NLN: variants seen among roughly 807,000 people sequenced by gnomAD.
The protein encoded by NLN is neurolysin, mitochondrial.
A neutral mutation model predicts 79.9 loss-of-function variants in NLN; 64 were observed. The observed-to-expected ratio is 0.80, with a 90% CI of 0.65 to 0.99. The LOEUF is 0.99. NLN is among the 50% of genes least tolerant of loss of function. NLN has a pLI of 0.00. For synonymous variants in NLN, 267 were observed against 296.6 expected, an observed-to-expected ratio of 0.90 and a Z score of 1.02; for missense variants, 835 against 858.7, an observed-to-expected ratio of 0.97 and a Z score of 0.34.
intron 1 of NLN, among the ~76,000 whole-genome samples, chr5:65,725,322 T>A (rs1468004099): frequency 6.6e-6 from 1 of 152,236 alleles, no homozygotes; most frequent in Non-Finnish European, 1.5e-5. Flanking sequence ...ACATCAAAGT[T>A]TGACAAATCG....
At chr5:65,785,389 G>A (rs902799188) in intron 6 of NLN, among the ~76,000 whole-genome samples, 8 of 152,116 alleles carry the variant, frequency 5.3e-5, no homozygotes, top group African/African-American at 1.2e-4. Flanking sequence ...TAAATTTTAC[G>A]TTATGTGTAT....
intron 12 of NLN, among the ~76,000 whole-genome samples, chr5:65,813,199 CCCTCCCCATCTT>C (rs1448271206): frequency 6.6e-6 from 1 of 152,058 alleles, no homozygotes; most frequent in Admixed American, 6.5e-5. Flanking sequence ...GATCACCATT[CCCTCCCCATCTT>C]CCTCCTGAAA....
At chr5:65,761,971 T>G (rs964238450) in intron 2 of NLN, among the ~76,000 whole-genome samples, 1 of 152,230 alleles carries the variant, frequency 6.6e-6, no homozygotes, top group African/African-American at 2.4e-5. Context: ...TTACTTATTT[T>G]CACAGCATAA....
rs575835001 is a variant in NLN, at chr5:65,737,609, A to C, written c.41+15195A>C. On this transcript the variant is annotated intron_variant, in intron 1 of 12. Transcript: ENST00000380985. ...ACTGAAAATTCAGTGTTCACTATTG[A>C]TATCTAGGGAGTATAGGTCTAGATC... 5.3e-5 allele frequency among the ~76,000 whole-genome samples: 8 copies of C among 152,324 alleles called. No homozygotes were observed. The South Asian group carries it at 1.7e-3, about 32-fold the overall frequency.
Position 65,792,631 on chromosome 5 carries a change from C to T in NLN, c.1503C>T (p.His501=), listed in dbSNP as rs534321217. Reference sequence around the variant, plus strand: ...GGACTTACTTTCATGAGTTTGGTCACGTGATGCATCAGATTTGTGCACAGG... The same window carrying T: ...GGACTTACTTTCATGAGTTTGGTCATGTGATGCATCAGATTTGTGCACAGG... ...EVRTYFHEFG[H]VMHQICAQTD... is the part of the protein sequence containing the mutation. Residue 501 remains histidine (H), a synonymous_variant, in exon 9 of 13, where the codon CAC becomes CAT. Coordinates refer to ENST00000380985, the MANE Select transcript of NLN (RefSeq NM_020726.5). 2.1e-5 allele frequency: 34 copies of T among 1,613,648 alleles called. No homozygotes were observed. Among genetic ancestry groups the T allele is most frequent in the South Asian group, 5.5e-5 (5 of 91,070 alleles).
Position 65,733,683 on chromosome 5 carries a change from G to A in NLN, c.41+11269G>A, listed in dbSNP as rs1483534133. On this transcript the variant is annotated intron_variant, in intron 1 of 12. Coordinates refer to ENST00000380985, the MANE Select transcript of NLN (RefSeq NM_020726.5). ...AAGGCCTGATTAGTGGGATGGATAC[G>A]CTTTCTTCTGGACCCTTGGGCACTA... is the stretch of plus-strand genomic sequence containing the variant. The A allele has an allele frequency of 2.4e-5, 35 of 1,433,432 alleles. 1 individual carries two copies. Among genetic ancestry groups the A allele is most frequent in the South Asian group, 9.3e-5 (8 of 86,132 alleles). 88.8% of individuals were successfully genotyped at this position (1,433,432 alleles called of 1,614,324 possible).
In NLN at chr5:65,724,400, C is replaced by G. The variant is rs576100297; in HGVS notation, c.41+1986C>G. 2.6e-5 allele frequency among the ~76,000 whole-genome samples: 4 copies of G among 152,230 alleles called. No individual in the cohort carries two copies. The South Asian group carries it at 8.3e-4, about 32-fold the overall frequency. ...TAGTATAGCGTTTTTAAGGTTTATT[C>G]GTTTTGAAGCATGTGTCGGGATTTC... is the stretch of plus-strand genomic sequence containing the variant. On this transcript the variant is annotated intron_variant, in intron 1 of 12. Coordinates refer to ENST00000380985, the MANE Select transcript of NLN (RefSeq NM_020726.5).
intron 4 of NLN, among the ~76,000 whole-genome samples, chr5:65,778,998 C>CA (rs1267966798): frequency 6.6e-6 from 1 of 152,120 alleles, no homozygotes; most frequent in African/African-American, 2.4e-5. Context: ...AGAAGTCACA[C>CA]ACCTAGAGTT....
chr5:65,787,497 A>C (rs1310444390), intron 7 of NLN, among the ~76,000 whole-genome samples: 2 of 152,182 alleles, frequency 1.3e-5, no homozygotes, highest in Non-Finnish European at 2.9e-5. Context: ...AAAATGTAAA[A>C]AATAAATACA....
rs1289402087 is a variant in NLN, at chr5:65,771,029, A to C, written c.451-6398A>C. 7.2e-5 allele frequency among the ~76,000 whole-genome samples: 11 copies of C among 152,202 alleles called. 1 individual carries two copies. Reference sequence around the variant, plus strand: ...GGTTACCTGTTGCATAAGTAAATGCAACGGTATTATTAATGTCCTATTTTA... The same window carrying C: ...GGTTACCTGTTGCATAAGTAAATGCCACGGTATTATTAATGTCCTATTTTA... On this transcript the variant is annotated intron_variant, in intron 3 of 12. Transcript: ENST00000380985.
In NLN at chr5:65,777,545, G is replaced by A. The variant is rs1561197341; in HGVS notation, c.558+11G>A. On this transcript the variant is annotated intron_variant, in intron 4 of 12. Coordinates refer to ENST00000380985, the MANE Select transcript of NLN (RefSeq NM_020726.5). ...GAACAAGTACAGAATGTGAGTTTAT[G>A]TTTTCTTTTCTTATCAGAAAAAAAA... The A allele has an allele frequency of 1.4e-6, 2 of 1,468,308 alleles. No individual in the cohort carries two copies. The highest frequency in any genetic ancestry group is 1.9e-5 in the Admixed American group (1 of 52,302). 91.0% of individuals were successfully genotyped at this position (1,468,308 alleles called of 1,614,324 possible).
chr5:65,807,659 C>A (rs774015968), intron 9 of NLN, among the ~76,000 whole-genome samples: 3 of 152,050 alleles, frequency 2.0e-5, no homozygotes, highest in Non-Finnish European at 2.9e-5. Context: ...CAGGCTGGCT[C>A]GAACTCCTGA....
intron 4 of NLN, among the ~76,000 whole-genome samples, chr5:65,779,390 A>C (rs1759750089): frequency 6.6e-6 from 1 of 151,168 alleles, no homozygotes; most frequent in African/African-American, 2.4e-5. Flanking sequence ...TTTCCTTCTT[A>C]TTGCTTCATT....
intron 8 of NLN, among the ~76,000 whole-genome samples, chr5:65,791,487 G>A (rs1338930234): frequency 1.3e-5 from 2 of 152,166 alleles, no homozygotes; most frequent in African/African-American, 2.4e-5. Context: ...GAACCCAGGA[G>A]GTGGACATTA....
At chr5:65,797,801 C>A (rs1473508715) in intron 9 of NLN, among the ~76,000 whole-genome samples, 2 of 152,216 alleles carry the variant, frequency 1.3e-5, no homozygotes, top group African/African-American at 2.4e-5. Flanking sequence ...TGCCCTGAGA[C>A]AATTTACTGC....
At chr5:65,801,180 T>A (rs753645074) in intron 9 of NLN, among the ~76,000 whole-genome samples, 2 of 152,246 alleles carry the variant, frequency 1.3e-5, no homozygotes, top group African/African-American at 2.4e-5. Context: ...TGTTTTTTAC[T>A]GCTTTATCTG....
chr5:65,753,220 A>G (rs372994840), intron 1 of NLN, among the ~76,000 whole-genome samples: 3 of 152,252 alleles, frequency 2.0e-5, no homozygotes, highest in African/African-American at 7.2e-5. Flanking sequence ...TATTGTGTCA[A>G]TTAAAAACAA....
chr5:65,813,051 A>G (rs1760589131), intron 12 of NLN, among the ~76,000 whole-genome samples: 1 of 152,170 alleles, frequency 6.6e-6, no homozygotes, highest in Non-Finnish European at 1.5e-5. Flanking sequence ...AAATTCTTCG[A>G]TTCAGAAATT....
At chr5:65,792,414 G>A in intron 8 of NLN, 40 bp from the exon 9 acceptor site, 4 of 1,405,634 alleles carry the variant, frequency 2.8e-6, no homozygotes, top group Non-Finnish European at 4.0e-6. Context: ...TGCTAGAGGA[G>A]AATTTTCCTA....
Sources: gnomAD v4.1 joint callset for allele counts (sites outside exome capture counted in the v4.1 genomes callset) on GRCh38, gnomAD v4.1.1 for gene constraint, MANE v1.5 for transcripts, NCBI Gene and HGNC (gene_info 2026-07-23, HGNC 2026-07-21) for gene names.